The following ADAM9 variants were observed in gnomAD, a reference collection of about 807,000 sequenced individuals.
ADAM9 encodes the protein ADAM metallopeptidase domain 9, also known as disintegrin and metalloproteinase domain-containing protein 9.
Under a neutral mutation model 108.1 loss-of-function variants are expected in ADAM9, and 54 were observed. That is an observed-to-expected ratio of 0.50 (90% CI 0.40 to 0.63). The LOEUF (loss-of-function observed/expected upper bound fraction) is 0.63, where lower values mean the gene tolerates loss of function less well. Ranked by LOEUF, ADAM9 falls within the 20% of genes least tolerant of loss-of-function variation. ADAM9 has a pLI of 0.00. For synonymous variants in ADAM9, 316 were observed against 336.0 expected (o/e 0.94, Z 0.65); for missense variants, 830 against 997.7 (o/e 0.83, Z 2.26).
Position 39,090,039 on chromosome 8 carries a change from C to T in ADAM9, c.2069-8C>T. 1 of 1,613,554 alleles carries T rather than the reference C, an allele frequency of 6.2e-7. No homozygotes were observed. The highest frequency in any genetic ancestry group is 8.5e-7 in the Non-Finnish European group (1 of 1,179,738). Reference sequence around the variant, plus strand: ...TGGTGACTGTTGATGTAAAATTCTTCTCTCTAGAAATGAATACTGCATTGA... The same window carrying T: ...TGGTGACTGTTGATGTAAAATTCTTTTCTCTAGAAATGAATACTGCATTGA... On this transcript the variant is annotated splice_region_variant and splice_polypyrimidine_tract_variant and intron_variant, in intron 18 of 21. Coordinates refer to ENST00000487273, the MANE Select transcript of ADAM9 (RefSeq NM_003816.3).
intron 8 of ADAM9, 118 bp downstream of exon 8, chr8:39,021,832 T>C (rs1405001268): frequency 2.3e-6 from 2 of 866,146 alleles, no homozygotes; most frequent in Admixed American, 1.9e-5. Flanking sequence ...TGACTTAGTC[T>C]TTCAGAGGTC....
chr8:39,017,953 A>G (rs1836597555), intron 6 of ADAM9, among the ~76,000 whole-genome samples: 1 of 152,226 alleles, frequency 6.6e-6, no homozygotes, highest in Non-Finnish European at 1.5e-5. Flanking sequence ...TGAACCCTAG[A>G]TTGGAAAAAG....
At chr8:39,010,209 T>C (rs1836311801) in intron 2 of ADAM9, among the ~76,000 whole-genome samples, 1 of 152,170 alleles carries the variant, frequency 6.6e-6, no homozygotes, top group African/African-American at 2.4e-5. Flanking sequence ...CAAAACAATC[T>C]TCAGTTTCTC....
intron 11 of ADAM9, among the ~76,000 whole-genome samples, chr8:39,041,222 GT>G (rs1293756608): frequency 1.3e-5 from 2 of 151,988 alleles, no homozygotes; most frequent in African/African-American, 4.8e-5. Flanking sequence ...ATTGAGTAAA[GT>G]AGTAGCTAAA....
chr8:39,098,246 T>G (rs1411978203), intron 20 of ADAM9, among the ~76,000 whole-genome samples: 2 of 152,228 alleles, frequency 1.3e-5, no homozygotes, highest in Non-Finnish European at 2.9e-5. Context: ...ATCTTTAGAC[T>G]ATTTGGTGTA....
At chr8:39,053,641 A>G (rs1838024735) in intron 12 of ADAM9, among the ~76,000 whole-genome samples, 1 of 152,182 alleles carries the variant, frequency 6.6e-6, no homozygotes, top group Non-Finnish European at 1.5e-5. Context: ...CACAGAATAC[A>G]AAACAGAACA....
chr8:39,096,347 G>A (rs1225692735), intron 20 of ADAM9, among the ~76,000 whole-genome samples: 8 of 125,794 alleles, frequency 6.4e-5, no homozygotes, highest in East Asian at 3.0e-4. Context: ...CACATATATT[G>A]TGATATCTTT....
chr8:39,098,541 A>G (rs532234385), intron 20 of ADAM9, among the ~76,000 whole-genome samples: 1 of 152,184 alleles, frequency 6.6e-6, no homozygotes, highest in Non-Finnish European at 1.5e-5. Context: ...TAACCAACTC[A>G]TTGAATATCT....
intron 21 of ADAM9, 135 bp from the exon 22 acceptor site, chr8:39,103,472 A>G: frequency 1.2e-6 from 1 of 849,456 alleles, no homozygotes; most frequent in Non-Finnish European, 2.0e-6. Flanking sequence ...TCACCCTAAT[A>G]CTGATCTCAG....
intron 12 of ADAM9, among the ~76,000 whole-genome samples, chr8:39,045,175 T>G (rs1837642021): frequency 7.8e-6 from 1 of 127,638 alleles, no homozygotes; most frequent in Non-Finnish European, 1.8e-5. Flanking sequence ...TATATGTGTA[T>G]ATATGTGTAT....
intron 15 of ADAM9, 62 bp downstream of exon 15, chr8:39,071,465 C>CT (rs34398586): frequency 0.048 from 27,663 of 580,264 alleles, 445 homozygotes; most frequent in African/African-American, 0.14. Context: ...TCTCTAGTAT[C>CT]TTTTTTTTTT....
chr8:39,091,151 C>A, intron 19 of ADAM9, 108 bp from the exon 20 acceptor site: 3 of 1,012,610 alleles, frequency 3.0e-6, no homozygotes, highest in East Asian at 2.4e-5. Context: ...TCATCCCCAC[C>A]ACTACCAACA....
intron 15 of ADAM9, among the ~76,000 whole-genome samples, chr8:39,074,827 T>C (rs1387905375): frequency 5.9e-5 from 9 of 152,126 alleles, no homozygotes; most frequent in Non-Finnish European, 1.5e-5. Context: ...GGATTTGTTT[T>C]AGTTTCCTTT....
At position 39,026,974 on chromosome 8, in the gene ADAM9, T is replaced by TC. The variant is rs200728396; in HGVS notation, c.1130+166dup. ...AATGAGAAGTCTTTTTTTTTTTTTT[T>TC]CCAGCCTTTTAGATTTAGGGGGTAC... On this transcript the variant is annotated intron_variant, in intron 11 of 21. Transcript: ENST00000487273. Among the ~76,000 whole-genome samples, 218 of 152,052 alleles carry TC rather than the reference T, an allele frequency of 1.4e-3. 5 individuals carry two copies. In the East Asian group the frequency reaches 0.03, roughly 21 times the overall value.
At chr8:39,098,096 G>C (rs1479261041) in intron 20 of ADAM9, among the ~76,000 whole-genome samples, 3 of 151,496 alleles carry the variant, frequency 2.0e-5, no homozygotes. Flanking sequence ...TTTTCCGGAT[G>C]TTTTTGGCTG....
Position 39,014,829 on chromosome 8 carries a change from G to GTTTAC in ADAM9, c.333+786_333+787insTTTAC, listed in dbSNP as rs397802115. On this transcript the variant is annotated intron_variant, in intron 4 of 21. Transcript: ENST00000487273. ...CAAATAGGAGGCAAAAAAATCTTTA[G>GTTTAC]ATTAATTATTAGTACTTACAAAAAC... 41 of 413,840 alleles carry GTTTAC rather than the reference G, an allele frequency of 9.9e-5. 1 individual carries two copies. Among genetic ancestry groups the GTTTAC allele is most frequent in the African/African-American group, 7.6e-4 (37 of 48,478 alleles). The allele number at this position is 413,840 out of a possible 1,614,324, so 25.6% of individuals were successfully genotyped here.
At chr8:39,017,944 G>A (rs1052291866) in intron 6 of ADAM9, among the ~76,000 whole-genome samples, 1 of 152,170 alleles carries the variant, frequency 6.6e-6, no homozygotes, top group Non-Finnish European at 1.5e-5. Context: ...GGTGATTCTT[G>A]AACCCTAGAT....
chr8:39,075,178 A>G (rs1373246059), intron 15 of ADAM9, among the ~76,000 whole-genome samples: 1 of 152,152 alleles, frequency 6.6e-6, no homozygotes, highest in African/African-American at 2.4e-5. Context: ...AAGTGCTGGG[A>G]TTACAGGCGT....
chr8:39,071,707 C>T (rs1001741001), intron 15 of ADAM9, among the ~76,000 whole-genome samples: 7 of 152,094 alleles, frequency 4.6e-5, no homozygotes, highest in African/African-American at 1.4e-4. Flanking sequence ...CTTCGTGATC[C>T]GCTCGCCTCA....
Sources: allele counts gnomAD v4.1 joint callset (sites outside exome capture counted in the v4.1 genomes callset), GRCh38; gene constraint gnomAD v4.1.1; transcripts MANE v1.5; gene names NCBI Gene and HGNC (gene_info 2026-07-23, HGNC 2026-07-21).